The following TRABD2B variants were observed in gnomAD, a reference collection of about 807,000 sequenced individuals.
TRABD2B encodes the protein TraB domain containing 2B.
A neutral mutation model predicts 40.1 loss-of-function variants in TRABD2B; 14 were observed. The ratio of observed to expected loss-of-function variants is 0.35; its 90% CI spans 0.23 to 0.55. The LOEUF is 0.55. TRABD2B is among the 20% of genes least tolerant of loss of function. The pLI is 0.90. For missense variants in TRABD2B, 541 were observed against 648.6 expected (o/e 0.83, Z 1.80); for synonymous variants, 263 against 277.0 (o/e 0.95, Z 0.50).
At chr1:47,928,712 C>A (rs559518332) in intron 2 of TRABD2B, among the ~76,000 whole-genome samples, 1 of 152,360 alleles carries the variant, frequency 6.6e-6, no homozygotes, top group African/African-American at 2.4e-5. Context: ...TACTGTGGTA[C>A]CTAAGTGTAC....
intron 2 of TRABD2B, among the ~76,000 whole-genome samples, chr1:47,938,870 A>G (rs1184571981): frequency 6.6e-6 from 1 of 152,168 alleles, no homozygotes; most frequent in African/African-American, 2.4e-5. Flanking sequence ...CAGGAGGAGG[A>G]TAAGAGGTTG....
intron 6 of TRABD2B, among the ~76,000 whole-genome samples, chr1:47,773,361 C>T (rs1249014890): frequency 6.6e-6 from 1 of 152,248 alleles, no homozygotes; most frequent in Non-Finnish European, 1.5e-5. Flanking sequence ...TGTGTCATAG[C>T]CAATATAGCC....
intron 2 of TRABD2B, among the ~76,000 whole-genome samples, chr1:47,970,375 C>T (rs779204161): frequency 2.6e-5 from 4 of 152,094 alleles, no homozygotes; most frequent in Non-Finnish European, 5.9e-5. Flanking sequence ...GATCTCACTC[C>T]TCCTGACTCA....
In TRABD2B at chr1:47,994,467, G is replaced by C; in HGVS notation, c.233C>G (p.Ala78Gly). 1.3e-6 allele frequency: 2 copies of C among 1,536,186 alleles called. No homozygotes were observed. Among genetic ancestry groups the C allele is most frequent in the Non-Finnish European group, 1.7e-6 (2 of 1,146,926 alleles). Reference protein sequence around the residue: ...IPDNSKAAFQASTRVYFELDL... With the variant: ...IPDNSKAAFQGSTRVYFELDL... ...CAGCTCAAAGTAGACACGGGTGCTAGCCTGGAAGGCTGCCTTGGAGTTGTC... is the reference window on the plus strand; with the variant it reads ...CAGCTCAAAGTAGACACGGGTGCTACCCTGGAAGGCTGCCTTGGAGTTGTC... The change falls in exon 2 of 7, where the codon GCT becomes GGT. Residue 78 changes from alanine (A) to glycine (G), a missense_variant. By Grantham distance (60) the Ala-to-Gly change is moderately conservative. Transcript: ENST00000606738. The surrounding 1 kb of genome is among the most constrained non-coding windows in gnomAD (Gnocchi z 6.7).
chr1:47,996,881 G>A lies in TRABD2B; in HGVS notation c.-92C>T, dbSNP rs1646101367. 5 of 1,139,032 alleles carry A rather than the reference G, an allele frequency of 4.4e-6. No homozygotes were observed. The highest frequency in any genetic ancestry group is 3.7e-4 in the Middle Eastern group (1 of 2,700). The allele number at this position is 1,139,032 out of a possible 1,614,324, so 70.6% of individuals were successfully genotyped here. A position where few individuals can be genotyped will look rare whatever the true frequency, so the allele number is the denominator to read the frequency against. ...CCAGTTGGGCACGGAGTTTCCTCTGGAGCACGGGGCTCCAGCCGCAGGATG... is the reference window on the plus strand; with the variant it reads ...CCAGTTGGGCACGGAGTTTCCTCTGAAGCACGGGGCTCCAGCCGCAGGATG... On this transcript the variant is annotated 5_prime_UTR_variant, in exon 1 of 7. Transcript: ENST00000606738. This position sits in a 1 kb window ranked among gnomAD's most constrained non-coding sequence, Gnocchi z 4.6.
intron 2 of TRABD2B, among the ~76,000 whole-genome samples, chr1:47,846,320 A>G (rs763966264): frequency 1.3e-5 from 2 of 152,218 alleles, no homozygotes; most frequent in Non-Finnish European, 2.9e-5. Flanking sequence ...TGCCATTTCC[A>G]CCTGCTCCAA....
At position 47,996,859 on chromosome 1, in the gene TRABD2B, G is replaced by A. The variant is rs897894330; in HGVS notation, c.-70C>T. ...CCCTCAGCGGGGCGGGGAGCCCCCA[G>A]TTGGGCACGGAGTTTCCTCTGGAGC... On this transcript the variant is annotated 5_prime_UTR_variant, in exon 1 of 7. Transcript: ENST00000606738. The surrounding 1 kb of genome is among the most constrained non-coding windows in gnomAD (Gnocchi z 4.6). The A allele has an allele frequency of 2.9e-5, 33 of 1,154,466 alleles. No individual in the cohort carries two copies. Among genetic ancestry groups the A allele is most frequent in the South Asian group, 2.6e-4 (6 of 23,180 alleles). 71.5% of individuals were successfully genotyped at this position (1,154,466 alleles called of 1,614,324 possible). A position where few individuals can be genotyped will look rare whatever the true frequency, so the allele number is the denominator to read the frequency against.
intron 2 of TRABD2B, among the ~76,000 whole-genome samples, chr1:47,839,210 T>TATTCTCAG (rs1304080076): frequency 2.0e-5 from 3 of 152,062 alleles, no homozygotes; most frequent in Non-Finnish European, 4.4e-5. Context: ...CCACAGAGTC[T>TATTCTCAG]ATTCTCAGAG....
chr1:47,807,907 C>G (rs1239240640), intron 2 of TRABD2B, among the ~76,000 whole-genome samples: 1 of 152,118 alleles, frequency 6.6e-6, no homozygotes, highest in South Asian at 2.1e-4. Context: ...TTTGGAGATT[C>G]AGTATGGTTG....
Position 47,765,800 on chromosome 1 carries a change from T to C in TRABD2B, c.*102A>G. The C allele has an allele frequency of 1.4e-6, 1 of 702,086 alleles. No individual in the cohort carries two copies. The highest frequency in any genetic ancestry group is 2.6e-6 in the Non-Finnish European group (1 of 384,812). The allele number at this position is 702,086 out of a possible 1,614,324, so 43.5% of individuals were successfully genotyped here. A position where few individuals can be genotyped will look rare whatever the true frequency, so the allele number is the denominator to read the frequency against. Reference sequence around the variant, plus strand: ...CTAGCCAATCCCATGTGGACTGCCCTCGACGTGTTGGGCACCCCCTGGAGG... The same window carrying C: ...CTAGCCAATCCCATGTGGACTGCCCCCGACGTGTTGGGCACCCCCTGGAGG... On this transcript the variant is annotated 3_prime_UTR_variant, in exon 7 of 7. Transcript: ENST00000606738.
chr1:47,947,557 G>A (rs1179948058), intron 2 of TRABD2B, among the ~76,000 whole-genome samples: 1 of 152,164 alleles, frequency 6.6e-6, no homozygotes, highest in Non-Finnish European at 1.5e-5. Flanking sequence ...CCTAGAAAGT[G>A]TACAGGAAAG....
At chr1:47,891,679 G>T (rs1481891562) in intron 2 of TRABD2B, among the ~76,000 whole-genome samples, 1 of 152,116 alleles carries the variant, frequency 6.6e-6, no homozygotes, top group Admixed American at 6.5e-5. Context: ...GTGCACGCTT[G>T]TAGTCCCAGC....
intron 4 of TRABD2B, among the ~76,000 whole-genome samples, chr1:47,789,941 T>TA (rs61490498): frequency 0.01 from 1,493 of 144,108 alleles, 28 homozygotes; most frequent in African/African-American, 0.034. Context: ...TTTCTCATCT[T>TA]AAAAAAAAAA....
intron 6 of TRABD2B, among the ~76,000 whole-genome samples, chr1:47,773,287 C>T (rs1644400311): frequency 6.6e-6 from 1 of 152,262 alleles, no homozygotes; most frequent in African/African-American, 2.4e-5. Context: ...AAGTGGCTCT[C>T]AGTAACTCTA....
intron 4 of TRABD2B, among the ~76,000 whole-genome samples, chr1:47,781,284 C>T (rs1248866544): frequency 1.3e-5 from 2 of 152,222 alleles, no homozygotes; most frequent in Admixed American, 6.5e-5. Flanking sequence ...GCGGTCCTCG[C>T]GTTTGCCCAG....
At position 47,883,185 on chromosome 1, in the gene TRABD2B, G is replaced by A. The variant is rs911731732; in HGVS notation, c.667-81566C>T. Among the ~76,000 whole-genome samples, 8 of 152,272 alleles carry A rather than the reference G, an allele frequency of 5.3e-5. No homozygotes were observed. The East Asian group carries it at 1.5e-3, about 29-fold the overall frequency. ...CCCAGCTTGTAGGCCAGGAAACGGA[G>A]GTTCAGAGATACTAAATACCTTGTC... On this transcript the variant is annotated intron_variant, in intron 2 of 6. Transcript: ENST00000606738.
chr1:47,996,267 G>A lies in TRABD2B; in HGVS notation c.102+421C>T, dbSNP rs1646089785. Reference sequence around the variant, plus strand: ...AGGGAAGCCTGGGAGGGGGCAGAGTGTGTGAATGGGAGAGCAAAAGGGTTC... The same window carrying A: ...AGGGAAGCCTGGGAGGGGGCAGAGTATGTGAATGGGAGAGCAAAAGGGTTC... On this transcript the variant is annotated intron_variant, in intron 1 of 6. Transcript: ENST00000606738. The surrounding 1 kb of genome is among the most constrained non-coding windows in gnomAD (Gnocchi z 4.6). Among the ~76,000 whole-genome samples, 1 of 152,128 alleles carries A rather than the reference G, an allele frequency of 6.6e-6. No individual in the cohort carries two copies.
intron 5 of TRABD2B, among the ~76,000 whole-genome samples, chr1:47,777,939 T>G (rs187578824): frequency 2.0e-3 from 309 of 152,202 alleles, no homozygotes; most frequent in Non-Finnish European, 3.6e-3. Context: ...TGGCCATTAG[T>G]GGCTATTTGA....
intron 2 of TRABD2B, among the ~76,000 whole-genome samples, chr1:47,843,478 A>G (rs1321361242): frequency 6.6e-6 from 1 of 152,076 alleles, no homozygotes; most frequent in Non-Finnish European, 1.5e-5. Flanking sequence ...CAGGCTTGGG[A>G]GTAGGGGAAG....
Sources: gnomAD v4.1 joint callset for allele counts (sites outside exome capture counted in the v4.1 genomes callset) on GRCh38, gnomAD v4.1.1 for gene constraint, Gnocchi (gnomAD v3.1) non-coding constraint, MANE v1.5 for transcripts, NCBI Gene and HGNC (gene_info 2026-07-23, HGNC 2026-07-21) for gene names.